PTK2B: variants seen among roughly 807,000 people sequenced by gnomAD.
The protein encoded by PTK2B is protein tyrosine kinase 2 beta, also known as protein-tyrosine kinase 2-beta.
PTK2B carries 71 observed loss-of-function variants against 142.9 expected under a neutral mutation model. That is an observed-to-expected ratio of 0.50 (90% CI 0.41 to 0.61). The LOEUF (loss-of-function observed/expected upper bound fraction) is 0.61, where lower values mean the gene tolerates loss of function less well. Ranked by LOEUF, PTK2B falls within the 20% of genes least tolerant of loss-of-function variation. The pLI is 0.00. For synonymous variants in PTK2B, 519 were observed against 503.4 expected (o/e 1.03, Z -0.42); for missense variants, 1,105 against 1,320.4 (o/e 0.84, Z 2.53).
At chr8:27,364,276 T>G (rs1006557219) in intron 1 of PTK2B, among the ~76,000 whole-genome samples, 1 of 152,228 alleles carries the variant, frequency 6.6e-6, no homozygotes, top group Non-Finnish European at 1.5e-5. Flanking sequence ...CTCAGGGGCT[T>G]CAGCCAGGGC....
At chr8:27,389,392 A>G (rs1212754624) in intron 1 of PTK2B, among the ~76,000 whole-genome samples, 1 of 152,242 alleles carries the variant, frequency 6.6e-6, no homozygotes, top group Non-Finnish European at 1.5e-5. Context: ...AATGAGTATA[A>G]TTTTTGAAGA....
intron 2 of PTK2B, among the ~76,000 whole-genome samples, chr8:27,402,390 C>T (rs1383646937): frequency 6.6e-6 from 1 of 152,188 alleles, no homozygotes; most frequent in Non-Finnish European, 1.5e-5. Context: ...GACACATTAA[C>T]ATCTTCACAT....
At chr8:27,457,550 T>C (rs1812210185) in intron 30 of PTK2B, among the ~76,000 whole-genome samples, 1 of 152,156 alleles carries the variant, frequency 6.6e-6, no homozygotes, top group Admixed American at 6.5e-5. Flanking sequence ...TCACTGAAAA[T>C]ATTTTGGAAA....
chr8:27,400,645 G>A (rs566575160), intron 2 of PTK2B, among the ~76,000 whole-genome samples: 1 of 152,108 alleles, frequency 6.6e-6, no homozygotes, highest in East Asian at 1.9e-4. Flanking sequence ...AAGAAAGGAA[G>A]GAGAAAAGGA....
chr8:27,454,240 C>T lies in PTK2B; in HGVS notation c.2682C>T (p.Leu894=), dbSNP rs138068144. 50 of 1,613,980 alleles carry T rather than the reference C, an allele frequency of 3.1e-5. No individual in the cohort carries two copies. The highest frequency in any genetic ancestry group is 4.0e-5 in the African/African-American group (3 of 74,912). ...AGCTGGTGCGGGCCGTGCTGGAGCTCAAGAATGAGCTCTGTCAGCTGCCCC... is the reference window on the plus strand; with the variant it reads ...AGCTGGTGCGGGCCGTGCTGGAGCTTAAGAATGAGCTCTGTCAGCTGCCCC... ...VMELVRAVLE[L]KNELCQLPPE... The change falls in exon 29 of 31, where the codon CTC becomes CTT. Residue 894 remains leucine, a synonymous_variant. Transcript: ENST00000346049.
chr8:27,371,566 G>T, intron 1 of PTK2B, among the ~76,000 whole-genome samples: 1 of 133,410 alleles, frequency 7.5e-6, no homozygotes, highest in Non-Finnish European at 1.6e-5. Flanking sequence ...TATATATTTT[G>T]AGACAGAGTC....
intron 2 of PTK2B, among the ~76,000 whole-genome samples, chr8:27,398,077 A>T (rs1392952694): frequency 6.6e-6 from 1 of 152,274 alleles, no homozygotes; most frequent in Non-Finnish European, 1.5e-5. Flanking sequence ...AGTATTTATG[A>T]TACTTGAAGC....
intron 9 of PTK2B, 135 bp downstream of exon 9, chr8:27,431,607 C>A: frequency 8.7e-7 from 1 of 1,148,278 alleles, no homozygotes; most frequent in Non-Finnish European, 1.2e-6. Context: ...AGGCCATGCC[C>A]TGGCGTGAGC....
At chr8:27,421,519 G>C (rs950176213) in intron 4 of PTK2B, among the ~76,000 whole-genome samples, 5 of 152,048 alleles carry the variant, frequency 3.3e-5, no homozygotes, top group Admixed American at 6.5e-5. Context: ...GCATCATCAT[G>C]GTTAGCTCCC....
chr8:27,454,040 T>C, intron 28 of PTK2B, 114 bp from the exon 29 acceptor site: 1 of 1,406,048 alleles, frequency 7.1e-7, no homozygotes. Flanking sequence ...TAAAGAAGAG[T>C]CCTTTCCAAT....
intron 1 of PTK2B, among the ~76,000 whole-genome samples, chr8:27,389,913 C>T (rs1807605948): frequency 3.3e-5 from 5 of 152,126 alleles, no homozygotes; most frequent in Admixed American, 3.3e-4. Context: ...AGGACCAGCT[C>T]CCTGAGACTG....
chr8:27,361,771 T>G (rs1383669818), intron 1 of PTK2B, among the ~76,000 whole-genome samples: 2 of 152,100 alleles, frequency 1.3e-5, no homozygotes, highest in Non-Finnish European at 2.9e-5. Context: ...GTGCTCTCAA[T>G]GAAGTACAGT....
At position 27,433,553 on chromosome 8, in the gene PTK2B, G is replaced by A. The variant is rs77172601; in HGVS notation, c.1105+1G>A. 2 of 1,612,484 alleles carry A rather than the reference G, an allele frequency of 1.2e-6. No individual in the cohort carries two copies. Among genetic ancestry groups the A allele is most frequent in the Non-Finnish European group, 1.7e-6 (2 of 1,178,552 alleles). ...TCTCTCATCATCCATCCTAGGAAAGGTGGGTTCCATTTAAAGGTAAAGTGG... is the reference window on the plus strand; with the variant it reads ...TCTCTCATCATCCATCCTAGGAAAGATGGGTTCCATTTAAAGGTAAAGTGG... On this transcript the variant is annotated splice_donor_variant, in intron 11 of 30. Transcript: ENST00000346049. LOFTEE classifies it high-confidence loss of function.
At chr8:27,351,604 T>A (rs111807246) in intron 1 of PTK2B, among the ~76,000 whole-genome samples, 576 of 152,090 alleles carry the variant, frequency 3.8e-3, no homozygotes, top group African/African-American at 0.013. Context: ...AAAAATAAAT[T>A]AATTAATAAA....
chr8:27,320,359 T>C (rs1803184464), intron 3 of PTK2B, among the ~76,000 whole-genome samples: 1 of 152,088 alleles, frequency 6.6e-6, no homozygotes, highest in Non-Finnish European at 1.5e-5. Flanking sequence ...TCAGACACTA[T>C]CTACCTGGAG....
In PTK2B at chr8:27,439,020, CCTT is replaced by C. The variant is rs1257694763; in HGVS notation, c.1644-6_1644-4del. 3 of 1,610,422 alleles carry C rather than the reference CCTT, an allele frequency of 1.9e-6. No individual in the cohort carries two copies. In the Admixed American group the frequency reaches 5.0e-5, roughly 27 times the overall value. On this transcript the variant is annotated splice_region_variant and splice_polypyrimidine_tract_variant and intron_variant, in intron 18 of 30. Coordinates refer to ENST00000346049, the MANE Select transcript of PTK2B (RefSeq NM_173176.3). ...CAGTGCCTCATCCTGGTCTTGATGC[CCTT>C]CTTCCAGGGACATTGCTGTCCGGAA...
At chr8:27,431,172 C>T in intron 8 of PTK2B, 156 bp downstream of exon 8, 1 of 1,467,566 alleles carries the variant, frequency 6.8e-7, no homozygotes, top group African/African-American at 1.4e-5. Flanking sequence ...TCAAAAGCAT[C>T]CCCTTGCCTG....
rs557356317 is a variant in PTK2B at position 27,432,173 on chromosome 8, C to T, written c.886-87C>T. On this transcript the variant is annotated intron_variant, in intron 9 of 30. Coordinates refer to ENST00000346049, the MANE Select transcript of PTK2B (RefSeq NM_173176.3). ...CTCCCAGAGAAACTCCCAGTTCCTC[C>T]TCACCCCGGCTCCCCCATACTGACC... is the stretch of plus-strand genomic sequence containing the variant. 1.0e-4 allele frequency: 121 copies of T among 1,177,252 alleles called. No homozygotes were observed. The African/African-American group carries it at 1.8e-3, about 17-fold the overall frequency. The allele number at this position is 1,177,252 out of a possible 1,614,324, so 72.9% of individuals were successfully genotyped here. A position where few individuals can be genotyped will look rare whatever the true frequency, so the allele number is the denominator to read the frequency against.
In PTK2B at chr8:27,437,510, C is replaced by A. The variant is rs1344912188; in HGVS notation, c.1527+14C>A. 1.3e-6 allele frequency: 2 copies of A among 1,579,684 alleles called. No homozygotes were observed. The highest frequency in any genetic ancestry group is 8.6e-7 in the Non-Finnish European group (1 of 1,158,286). ...CCCTATGGGGAGGTGAGCTGGAGGA[C>A]CCTGCGATGACAACTGGGCTGCAGC... On this transcript the variant is annotated intron_variant, in intron 17 of 30. Coordinates refer to ENST00000346049, the MANE Select transcript of PTK2B (RefSeq NM_173176.3).
Sources: allele counts gnomAD v4.1 joint callset (sites outside exome capture counted in the v4.1 genomes callset), GRCh38; gene constraint gnomAD v4.1.1; transcripts MANE v1.5; gene names NCBI Gene and HGNC (gene_info 2026-07-23, HGNC 2026-07-21).